Variants in WIPF1 observed in about 807,000 individuals in gnomAD.
WIPF1 encodes WAS/WASL-interacting protein family member 1.
In WIPF1, 13 loss-of-function variants were observed where a neutral mutation model predicts 35.4. The ratio of observed to expected loss-of-function variants is 0.37; its 90% confidence interval spans 0.24 to 0.58. The LOEUF is 0.58. WIPF1 is among the 20% of genes least tolerant of loss of function. The pLI is 0.74. For missense variants in WIPF1, 591 were observed against 667.0 expected, an observed-to-expected ratio of 0.89 and a Z score of 1.25; for synonymous variants, 267 against 266.3, an observed-to-expected ratio of 1.00 and a Z score of -0.02.
intron 1 of WIPF1, among the ~76,000 whole-genome samples, chr2:174,677,656 A>C (rs1425439581): frequency 6.6e-6 from 1 of 152,180 alleles, no homozygotes; most frequent in Non-Finnish European, 1.5e-5. Context: ...TGTTAATTTT[A>C]GCACATTCTT....
intron 1 of WIPF1, among the ~76,000 whole-genome samples, chr2:174,670,881 T>TC (rs1230163409): frequency 6.6e-6 from 1 of 151,850 alleles, no homozygotes; most frequent in Non-Finnish European, 1.5e-5. Context: ...CATAGGGTGT[T>TC]TTGTCTGAGA....
rs954598153 is a variant in WIPF1, at chr2:174,560,833, A to G, written c.*1714T>C. The G allele has an allele frequency of 6.6e-6, 1 of 152,598 alleles. No individual in the cohort carries two copies. Among genetic ancestry groups the G allele is most frequent in the Non-Finnish European group, 1.5e-5 (1 of 68,036 alleles). 9.5% of individuals were successfully genotyped at this position (152,598 alleles called of 1,614,324 possible). A position where few individuals can be genotyped will look rare whatever the true frequency, so the allele number is the denominator to read the frequency against. The stretch of plus-strand genomic sequence containing the variant: ...CTCTAAGTTCTTTTGCTTTTATATA[A>G]ATGAAACATTTATTCTATAAATAGA... On this transcript the variant is annotated 3_prime_UTR_variant, in exon 8 of 8. Coordinates refer to ENST00000679041, the MANE Select transcript of WIPF1 (RefSeq NM_001375834.1).
intron 1 of WIPF1, among the ~76,000 whole-genome samples, chr2:174,659,559 C>G (rs1465960227): frequency 2.0e-5 from 3 of 152,062 alleles, no homozygotes; most frequent in Non-Finnish European, 4.4e-5. Flanking sequence ...AGGATGCAGA[C>G]CACTGCTTAT....
At chr2:174,675,896 G>A (rs895278486) in intron 1 of WIPF1, among the ~76,000 whole-genome samples, 11 of 149,862 alleles carry the variant, frequency 7.3e-5, no homozygotes, top group African/African-American at 1.5e-4. Flanking sequence ...GCATGAAGGC[G>A]TGGGGAAGAG....
chr2:174,648,500 T>C (rs1274822562), intron 1 of WIPF1, among the ~76,000 whole-genome samples: 1 of 152,208 alleles, frequency 6.6e-6, no homozygotes, highest in East Asian at 1.9e-4. Flanking sequence ...TGGTGCACTG[T>C]GGAGCATTAG....
chr2:174,665,287 G>T (rs1409118817), intron 1 of WIPF1: 1 of 152,180 alleles, frequency 6.6e-6, no homozygotes, highest in African/African-American at 2.4e-5. Flanking sequence ...CAGGGTCTGT[G>T]TCTCATTCGT....
In WIPF1 at chr2:174,571,672, A is replaced by C; in HGVS notation, c.1129+4T>G. The C allele has an allele frequency of 6.2e-7, 1 of 1,614,180 alleles. No individual in the cohort carries two copies. The highest frequency in any genetic ancestry group is 8.5e-7 in the Non-Finnish European group (1 of 1,180,040). ...GAAGCAACTCACTCCACGTCTTGTCATACCTGATCGGCCTGGCGGGTCCCT... is the reference window on the plus strand; with the variant it reads ...GAAGCAACTCACTCCACGTCTTGTCCTACCTGATCGGCCTGGCGGGTCCCT... On this transcript the variant is annotated splice_donor_region_variant and intron_variant, in intron 5 of 7. Transcript: ENST00000679041. This position sits in a 1 kb window ranked among gnomAD's most constrained non-coding sequence, Gnocchi z 4.6.
intron 1 of WIPF1, among the ~76,000 whole-genome samples, chr2:174,591,934 C>T (rs1685629418): frequency 6.6e-6 from 1 of 152,174 alleles, no homozygotes; most frequent in Non-Finnish European, 1.5e-5. Context: ...AACTGCTCAG[C>T]CCACTCCCAA....
intron 1 of WIPF1, among the ~76,000 whole-genome samples, chr2:174,605,922 T>TTGTAAAATCTAGACTGA (rs1686149227): frequency 6.6e-6 from 1 of 152,160 alleles, no homozygotes; most frequent in Admixed American, 6.5e-5. Context: ...CTTAATCTAG[T>TTGTAAAATCTAGACTGA]GTAAAAATGC....
intron 1 of WIPF1, among the ~76,000 whole-genome samples, chr2:174,609,729 G>C (rs941141812): frequency 1.3e-5 from 2 of 152,182 alleles, no homozygotes; most frequent in African/African-American, 4.8e-5. Context: ...ATTACAAGTG[G>C]GCACGGGGTC....
intron 1 of WIPF1, among the ~76,000 whole-genome samples, chr2:174,621,548 A>G (rs952335131): frequency 1.3e-5 from 2 of 151,894 alleles, no homozygotes; most frequent in African/African-American, 4.8e-5. Flanking sequence ...TTGTCTGTAT[A>G]TAGGTAGAAC....
At chr2:174,582,973 G>A (rs970042682) in intron 2 of WIPF1, among the ~76,000 whole-genome samples, 3 of 152,130 alleles carry the variant, frequency 2.0e-5, no homozygotes, top group Admixed American at 2.0e-4. Flanking sequence ...TACAGACAAG[G>A]AAACTGAGGT....
chr2:174,634,908 G>T (rs1641329240), intron 1 of WIPF1, among the ~76,000 whole-genome samples: 1 of 152,194 alleles, frequency 6.6e-6, no homozygotes, highest in African/African-American at 2.4e-5. Context: ...AGAAGGGGCA[G>T]AGCGCTCACA....
intron 1 of WIPF1, among the ~76,000 whole-genome samples, chr2:174,607,888 CA>C (rs1686221664): frequency 6.6e-6 from 1 of 152,202 alleles, no homozygotes; most frequent in Non-Finnish European, 1.5e-5. Context: ...GTGAATTTTA[CA>C]AGCTTCCAGC....
chr2:174,598,533 G>A (rs1685895282), upstream of WIPF1, among the ~76,000 whole-genome samples: 1 of 152,122 alleles, frequency 6.6e-6, no homozygotes, highest in Non-Finnish European at 1.5e-5. Context: ...TGCCCAGCCT[G>A]GTCTTGCACT....
At chr2:174,584,252 C>T (rs1411227933) in intron 2 of WIPF1, among the ~76,000 whole-genome samples, 2 of 152,134 alleles carry the variant, frequency 1.3e-5, no homozygotes, top group Non-Finnish European at 2.9e-5. Context: ...CTTCTAAATG[C>T]TTACTTTCAA....
chr2:174,635,037 C>T (rs1687144102), intron 1 of WIPF1, among the ~76,000 whole-genome samples: 1 of 152,204 alleles, frequency 6.6e-6, no homozygotes, highest in African/African-American at 2.4e-5. Flanking sequence ...CCACACTCCT[C>T]TCTGGAGGGC....
At chr2:174,678,586 T>C (rs1224714352) in intron 1 of WIPF1, among the ~76,000 whole-genome samples, 1 of 152,184 alleles carries the variant, frequency 6.6e-6, no homozygotes, top group Non-Finnish European at 1.5e-5. Flanking sequence ...GGGCCAAGTG[T>C]TATTGGGTGT....
upstream of WIPF1, among the ~76,000 whole-genome samples, chr2:174,598,868 T>A (rs2105876295): frequency 6.6e-6 from 1 of 152,324 alleles, no homozygotes; most frequent in East Asian, 1.9e-4. Flanking sequence ...GTAGAAAACA[T>A]TTTATCAAAA....
Sources: gnomAD v4.1 joint callset for allele counts (sites outside exome capture counted in the v4.1 genomes callset) on GRCh38, gnomAD v4.1.1 for gene constraint, Gnocchi (gnomAD v3.1) non-coding constraint, MANE v1.5 for transcripts, NCBI Gene and HGNC (gene_info 2026-07-23, HGNC 2026-07-21) for gene names.